The following LEMD1 variants were observed in gnomAD, a reference collection of about 807,000 sequenced individuals.
LEMD1 encodes LEM domain-containing protein 1.
Under a neutral mutation model 17.4 loss-of-function variants are expected in LEMD1, and 18 were observed. That is an observed-to-expected ratio of 1.04 (90% CI 0.72 to 1.54). The LOEUF is 1.54. Among genes scored for constraint, LEMD1 ranks in the 40% most tolerant of loss-of-function variants. The pLI is 0.00. For missense variants in LEMD1, 195 were observed against 210.4 expected (o/e 0.93, Z 0.45); for synonymous variants, 88 against 77.8 (o/e 1.13, Z -0.69).
intron 4 of LEMD1, among the ~76,000 whole-genome samples, chr1:205,411,579 A>T (rs571041120): frequency 1.4e-5 from 2 of 144,856 alleles, no homozygotes; most frequent in African/African-American, 5.1e-5. Flanking sequence ...AGAAAGAAGG[A>T]GAGAGGAAAG....
intron 4 of LEMD1, among the ~76,000 whole-genome samples, chr1:205,409,532 TAGAG>T (rs983327628): frequency 5.3e-5 from 8 of 152,132 alleles, no homozygotes; most frequent in African/African-American, 1.7e-4. Flanking sequence ...AACTAAGACA[TAGAG>T]AGGTTGAGTG....
chr1:205,422,429 G>A (rs1213891095), upstream of LEMD1, among the ~76,000 whole-genome samples: 3 of 152,120 alleles, frequency 2.0e-5, no homozygotes, highest in Non-Finnish European at 4.4e-5. Flanking sequence ...ATAGGAAAGC[G>A]GAAGAAACCT....
intron 4 of LEMD1, among the ~76,000 whole-genome samples, chr1:205,396,454 G>GA (rs199927331): frequency 1.4e-3 from 215 of 151,246 alleles, no homozygotes; most frequent in African/African-American, 5.0e-3. Flanking sequence ...CATGCAATCA[G>GA]AAAAAAAAAT....
chr1:205,407,345 A>G (rs1665164856), intron 4 of LEMD1, among the ~76,000 whole-genome samples: 1 of 151,748 alleles, frequency 6.6e-6, no homozygotes, highest in Admixed American at 6.6e-5. Context: ...AAAAAAAAAA[A>G]AAAAGGATTT....
intron 1 of LEMD1, among the ~76,000 whole-genome samples, chr1:205,431,144 TG>T (rs1325009894): frequency 6.6e-6 from 1 of 152,220 alleles, no homozygotes; most frequent in Non-Finnish European, 1.5e-5. Context: ...CACTATTTCT[TG>T]TCTATTACCT....
chr1:205,444,012 T>G lies in LEMD1; in HGVS notation c.-39+5856A>C, dbSNP rs186943420. 1.6e-3 allele frequency among the ~76,000 whole-genome samples: 251 copies of G among 152,248 alleles called. 2 individuals are homozygous for G. The highest frequency in any genetic ancestry group is 5.9e-3 in the African/African-American group (244 of 41,536). On this transcript the variant is annotated intron_variant, in intron 1 of 3. Transcript: ENST00000367154. ...CTTGGCAGAGGGCTCCAGTACCAGC[T>G]GGAGGCTCCCTGAAGTCAGGTCCCC...
At chr1:205,388,631 G>A (rs1304501841) in intron 4 of LEMD1, among the ~76,000 whole-genome samples, 1 of 152,176 alleles carries the variant, frequency 6.6e-6, no homozygotes, top group African/African-American at 2.4e-5. Flanking sequence ...TTTAAACCCA[G>A]ATATTCTGGC....
rs1666290382 is a variant in LEMD1 at position 205,441,283 on chromosome 1, A to C, written c.-39+8585T>G. 1.3e-5 allele frequency among the ~76,000 whole-genome samples: 2 copies of C among 152,106 alleles called. No homozygotes were observed. The highest frequency in any genetic ancestry group is 6.5e-5 in the Admixed American group (1 of 15,278). On this transcript the variant is annotated intron_variant, in intron 1 of 3. Coordinates refer to the LEMD1 transcript ENST00000367154. The surrounding 1 kb of genome is among the most constrained non-coding windows in gnomAD (Gnocchi z 4.3). Reference sequence around the variant, plus strand: ...TCCTGATCTGTGTGGAGCTGATGTCATTCCTCACATTGGAGACAGGGTGAG... The same window carrying C: ...TCCTGATCTGTGTGGAGCTGATGTCCTTCCTCACATTGGAGACAGGGTGAG...
chr1:205,449,340 C>T (rs1468163561), intron 1 of LEMD1, among the ~76,000 whole-genome samples: 1 of 151,730 alleles, frequency 6.6e-6, no homozygotes, highest in African/African-American at 2.4e-5. Flanking sequence ...TTCTAGGGCT[C>T]CTGCTAGCCC....
chr1:205,402,248 T>G (rs1664887300), intron 4 of LEMD1, among the ~76,000 whole-genome samples: 1 of 152,204 alleles, frequency 6.6e-6, no homozygotes, highest in South Asian at 2.1e-4. Context: ...AGAAAGTCAT[T>G]GGTAGCTTGA....
chr1:205,439,233 G>A (rs1245511148), intron 1 of LEMD1, among the ~76,000 whole-genome samples: 1 of 152,192 alleles, frequency 6.6e-6, no homozygotes, highest in African/African-American at 2.4e-5. Flanking sequence ...GACCCCACTG[G>A]CCTTTATTGC....
At chr1:205,433,343 G>C (rs1322454538) in intron 1 of LEMD1, among the ~76,000 whole-genome samples, 1 of 152,110 alleles carries the variant, frequency 6.6e-6, no homozygotes, top group African/African-American at 2.4e-5. Context: ...TGTAATCCCA[G>C]CTACTTGGGA....
At chr1:205,432,952 A>G (rs1257320331) in intron 1 of LEMD1, among the ~76,000 whole-genome samples, 1 of 152,164 alleles carries the variant, frequency 6.6e-6, no homozygotes. Flanking sequence ...TTGAGGCTGC[A>G]GTGAGCCATG....
At chr1:205,449,294 G>A (rs1479270529) in intron 1 of LEMD1, among the ~76,000 whole-genome samples, 1 of 152,158 alleles carries the variant, frequency 6.6e-6, no homozygotes, top group Non-Finnish European at 1.5e-5. Flanking sequence ...CTCCCATGAC[G>A]GGTCAGCTGC....
intron 2 of LEMD1, 68 bp downstream of exon 2, chr1:205,420,387 C>T: frequency 8.4e-7 from 1 of 1,195,366 alleles, no homozygotes; most frequent in Non-Finnish European, 1.2e-6. Context: ...GCATATGTTC[C>T]TTCTATTGTA....
intron 4 of LEMD1, among the ~76,000 whole-genome samples, chr1:205,407,554 T>C (rs74141208): frequency 2.0e-5 from 3 of 152,098 alleles, no homozygotes; most frequent in Non-Finnish European, 4.4e-5. Context: ...AGAGAAAGCA[T>C]GGAAACTCTG....
At position 205,381,667 on chromosome 1, in the gene LEMD1, C is replaced by T; in HGVS notation, c.537G>A (p.Leu179=). Residue 179 remains leucine (L), a synonymous_variant, in exon 6 of 6, where the codon CTG becomes CTA. Coordinates refer to ENST00000367153, the MANE Select transcript of LEMD1 (RefSeq NM_001199050.2). ...TTTGCTCCTAAATTACTTAACCAAACAGCGACTTATTTTCCACAGTCAGGT... is the reference window on the plus strand; with the variant it reads ...TTTGCTCCTAAATTACTTAACCAAATAGCGACTTATTTTCCACAGTCAGGT... ...FVYLTVENKS[L]FG 6.2e-7 allele frequency: 1 copy of T among 1,614,232 alleles called. No individual in the cohort carries two copies. Among genetic ancestry groups the T allele is most frequent in the Non-Finnish European group, 8.5e-7 (1 of 1,180,022 alleles).
Position 205,393,282 on chromosome 1 carries a change from A to G in LEMD1, c.271-8918T>C, listed in dbSNP as rs116441673. On this transcript the variant is annotated intron_variant, in intron 4 of 5. Coordinates refer to ENST00000367153, the MANE Select transcript of LEMD1 (RefSeq NM_001199050.2). ...TAATAAGATAATGACCTATCTTGATATAATGATGTCATAAGATAATGACAT... is the reference window on the plus strand; with the variant it reads ...TAATAAGATAATGACCTATCTTGATGTAATGATGTCATAAGATAATGACAT... 7.6e-3 allele frequency among the ~76,000 whole-genome samples: 1,150 copies of G among 152,190 alleles called. 15 individuals carry two copies. The highest frequency in any genetic ancestry group is 0.026 in the African/African-American group (1,077 of 41,468).
chr1:205,426,504 A>T (rs1666056992), upstream of LEMD1, among the ~76,000 whole-genome samples: 2 of 152,198 alleles, frequency 1.3e-5, no homozygotes, highest in Non-Finnish European at 2.9e-5. Flanking sequence ...GGTGTTGTTC[A>T]GGGAAAGCTT....
Sources: gnomAD v4.1 joint callset for allele counts (sites outside exome capture counted in the v4.1 genomes callset) on GRCh38, gnomAD v4.1.1 for gene constraint, Gnocchi (gnomAD v3.1) non-coding constraint, MANE v1.5 for transcripts, NCBI Gene and HGNC (gene_info 2026-07-23, HGNC 2026-07-21) for gene names.